The following IMMP2L variants were observed in gnomAD, a reference collection of about 807,000 sequenced individuals.
IMMP2L encodes the protein inner mitochondrial membrane peptidase subunit 2, also known as mitochondrial inner membrane protease subunit 2.
A neutral mutation model predicts 19.3 loss-of-function variants in IMMP2L; 18 were observed. The observed-to-expected ratio is 0.93, with a 90% CI of 0.64 to 1.38. The LOEUF is 1.38. Ranked by LOEUF, IMMP2L falls within the 40% of genes most tolerant of loss-of-function variation. The pLI is 0.00. For synonymous variants in IMMP2L, 76 were observed against 73.0 expected (o/e 1.04, Z -0.21); for missense variants, 233 against 218.2 (o/e 1.07, Z -0.43).
At chr7:111,029,320 C>T (rs1336340288) in intron 3 of IMMP2L, among the ~76,000 whole-genome samples, 1 of 152,092 alleles carries the variant, frequency 6.6e-6, no homozygotes, top group Non-Finnish European at 1.5e-5. Context: ...AGATGAGAGC[C>T]GGCAATATCT....
intron 3 of IMMP2L, among the ~76,000 whole-genome samples, chr7:111,067,375 C>T (rs774146068): frequency 3.5e-4 from 53 of 152,282 alleles, no homozygotes; most frequent in Non-Finnish European, 1.3e-4. Flanking sequence ...CATAAATAGG[C>T]GTAACCTCTG....
chr7:111,547,851 G>A (rs1849077570), intron 1 of IMMP2L, among the ~76,000 whole-genome samples: 1 of 151,878 alleles, frequency 6.6e-6, no homozygotes, highest in Admixed American at 6.6e-5. Context: ...CTCCCAAGGA[G>A]CTGGGACCAG....
chr7:111,436,378 T>C lies in IMMP2L; in HGVS notation c.239+50860A>G, dbSNP rs150006734. ...AAATACACTACACTCTAAAAAGGTA[T>C]ACTTTTAACCAAACAATGTATAAAT... On this transcript the variant is annotated intron_variant, in intron 3 of 5. Coordinates refer to ENST00000405709, the MANE Select transcript of IMMP2L (RefSeq NM_032549.4). Among the ~76,000 whole-genome samples, 771 of 151,782 alleles carry C rather than the reference T, an allele frequency of 5.1e-3. 7 individuals carry two copies. Among genetic ancestry groups the C allele is most frequent in the Middle Eastern group, 0.024 (7 of 294 alleles).
At chr7:111,422,317 T>C (rs11784422) in intron 3 of IMMP2L, among the ~76,000 whole-genome samples, 2 of 151,900 alleles carry the variant, frequency 1.3e-5, no homozygotes, top group Admixed American at 6.6e-5. Context: ...TTGGGCAGTA[T>C]GGCCATTTTC....
intron 5 of IMMP2L, among the ~76,000 whole-genome samples, chr7:110,739,354 G>A (rs1796844687): frequency 6.6e-6 from 1 of 152,014 alleles, no homozygotes; most frequent in Non-Finnish European, 1.5e-5. Flanking sequence ...TAAACTTAAG[G>A]TAAAGGGGCG....
At chr7:111,326,108 C>A (rs1049963901) in intron 3 of IMMP2L, among the ~76,000 whole-genome samples, 2 of 151,544 alleles carry the variant, frequency 1.3e-5, no homozygotes, top group African/African-American at 4.8e-5. Context: ...AATTTCTGCT[C>A]TCTTTACTTG....
chr7:110,727,263 T>C lies in IMMP2L; in HGVS notation c.409-63542A>G, dbSNP rs1360459893. ...AAATGTAGTTGGGCAGGGTGGTGCA[T>C]GCCTGAAATCCCAGCTACTCAGGAG... On this transcript the variant is annotated intron_variant, in intron 5 of 5. Transcript: ENST00000405709. The surrounding 1 kb of genome is among the most constrained non-coding windows in gnomAD (Gnocchi z 4.3). Among the ~76,000 whole-genome samples the C allele has an allele frequency of 1.3e-5, 2 of 152,074 alleles. No individual in the cohort carries two copies. Among genetic ancestry groups the C allele is most frequent in the Non-Finnish European group, 2.9e-5 (2 of 68,006 alleles).
At chr7:111,467,551 T>C (rs1490628069) in intron 3 of IMMP2L, among the ~76,000 whole-genome samples, 3 of 152,156 alleles carry the variant, frequency 2.0e-5, no homozygotes, top group Non-Finnish European at 4.4e-5. Context: ...GAAAACAATA[T>C]GCCAACTCCT....
At chr7:110,756,610 A>C (rs1798058344) in intron 5 of IMMP2L, among the ~76,000 whole-genome samples, 1 of 152,246 alleles carries the variant, frequency 6.6e-6, no homozygotes, top group South Asian at 2.1e-4. Context: ...GGCAGGCCAT[A>C]AAGAATATTA....
intron 3 of IMMP2L, among the ~76,000 whole-genome samples, chr7:111,004,047 G>A (rs926097865): frequency 2.0e-5 from 3 of 152,088 alleles, no homozygotes; most frequent in African/African-American, 7.2e-5. Context: ...AAGAAACAGA[G>A]AGAATGATGC....
intron 3 of IMMP2L, among the ~76,000 whole-genome samples, chr7:111,481,806 T>C (rs1036235009): frequency 3.3e-5 from 5 of 152,306 alleles, no homozygotes; most frequent in African/African-American, 1.2e-4. Flanking sequence ...TACAGCAGTG[T>C]ACAATGGGAA....
intron 3 of IMMP2L, among the ~76,000 whole-genome samples, chr7:111,093,819 T>C (rs1020953381): frequency 1.3e-5 from 2 of 152,146 alleles, no homozygotes; most frequent in East Asian, 3.9e-4. Context: ...CCCCAAATCA[T>C]GTAACTATAC....
At chr7:110,953,995 C>T (rs1446201954) in intron 4 of IMMP2L, among the ~76,000 whole-genome samples, 1 of 152,066 alleles carries the variant, frequency 6.6e-6, no homozygotes, top group Non-Finnish European at 1.5e-5. Flanking sequence ...ATATCCTTCG[C>T]CCACTTTTTG....
intron 5 of IMMP2L, among the ~76,000 whole-genome samples, chr7:110,783,309 C>A (rs1799864637): frequency 6.6e-6 from 1 of 151,644 alleles, no homozygotes; most frequent in Non-Finnish European, 1.5e-5. Context: ...AAGTAGGTAC[C>A]AACATCCTCA....
At chr7:111,416,094 C>T (rs1419256822) in intron 3 of IMMP2L, among the ~76,000 whole-genome samples, 4 of 151,484 alleles carry the variant, frequency 2.6e-5, no homozygotes, top group Non-Finnish European at 5.9e-5. Flanking sequence ...TGTAGATCTA[C>T]GGAGAACATC....
chr7:110,998,075 G>C (rs1452205846), intron 3 of IMMP2L, among the ~76,000 whole-genome samples: 1 of 152,012 alleles, frequency 6.6e-6, no homozygotes, highest in East Asian at 1.9e-4. Context: ...CAATACAGTT[G>C]ACTATATATC....
rs114495488 is a variant in IMMP2L, at chr7:111,308,511, G to A, written c.239+178727C>T. On this transcript the variant is annotated intron_variant, in intron 3 of 5. Coordinates refer to ENST00000405709, the MANE Select transcript of IMMP2L (RefSeq NM_032549.4). ...TGAGTCGGCCTTTATTTCTATGTAT[G>A]GAGAACAAAAAGTTTCTAGGCAGAA... Among the ~76,000 whole-genome samples the A allele has an allele frequency of 8.9e-3, 1,354 of 151,856 alleles. 20 individuals carry two copies. Among genetic ancestry groups the A allele is most frequent in the African/African-American group, 0.031 (1,266 of 41,484 alleles).
rs556495246 is a variant in IMMP2L, at chr7:111,062,351, A to G, written c.240-98786T>C. Among the ~76,000 whole-genome samples, 63 of 152,264 alleles carry G rather than the reference A, an allele frequency of 4.1e-4. No homozygotes were observed. In the South Asian group the frequency reaches 0.013, roughly 32 times the overall value. On this transcript the variant is annotated intron_variant, in intron 3 of 5. Coordinates refer to ENST00000405709, the MANE Select transcript of IMMP2L (RefSeq NM_032549.4). ...TTATCATGAGAACAGCACAGGAAAG[A>G]CCCACCCTATAATTAAATCACCTCT...
In IMMP2L at chr7:110,869,478, C is replaced by T. The variant is rs1381257195; in HGVS notation, c.408+17115G>A. ...TGCACTTACATACACATACAACCCA[C>T]TTCCTCAGGCATTCACAACATTATT... On this transcript the variant is annotated intron_variant, in intron 5 of 5. Coordinates refer to ENST00000405709, the MANE Select transcript of IMMP2L (RefSeq NM_032549.4). 2.6e-5 allele frequency among the ~76,000 whole-genome samples: 4 copies of T among 152,238 alleles called. No individual in the cohort carries two copies. In the South Asian group the frequency reaches 8.3e-4, roughly 32 times the overall value.
Sources: allele counts gnomAD v4.1 joint callset (sites outside exome capture counted in the v4.1 genomes callset), GRCh38; gene constraint gnomAD v4.1.1; non-coding constraint Gnocchi (gnomAD v3.1); transcripts MANE v1.5; gene names NCBI Gene and HGNC (gene_info 2026-07-23, HGNC 2026-07-21).